The following SLC38A1 variants were observed in gnomAD, a reference collection of about 807,000 sequenced individuals.
The protein encoded by SLC38A1 is sodium-coupled neutral amino acid symporter 1.
SLC38A1 carries 18 observed loss-of-function variants against 60.3 expected under a neutral mutation model. That is an observed-to-expected ratio of 0.30 (90% CI 0.21 to 0.44). The LOEUF (loss-of-function observed/expected upper bound fraction) is 0.44. Ranked by LOEUF, SLC38A1 falls within the 20% of genes least tolerant of loss-of-function variation. The pLI is 1.00. For missense variants in SLC38A1, 448 were observed against 587.2 expected (o/e 0.76, Z 2.45); for synonymous variants, 196 against 212.1 (o/e 0.92, Z 0.66).
rs1223025120 is a variant in SLC38A1 at position 46,187,962 on chromosome 12, A to T, written c.*1008T>A. On this transcript the variant is annotated 3_prime_UTR_variant, in exon 17 of 17. Coordinates refer to ENST00000398637, the MANE Select transcript of SLC38A1 (RefSeq NM_030674.4). The stretch of plus-strand genomic sequence containing the variant: ...ATAAAACAGGAGTTACTTATCCTAG[A>T]TCATCCTTAGTTAGGTACACATGAT... 2 of 152,152 alleles carry T rather than the reference A, an allele frequency of 1.3e-5. No homozygotes were observed. The highest frequency in any genetic ancestry group is 2.9e-5 in the Non-Finnish European group (2 of 68,026). The allele number at this position is 152,152 out of a possible 1,614,324, so 9.4% of individuals were successfully genotyped here.
chr12:46,242,755 T>C (rs910454859), intron 2 of SLC38A1, among the ~76,000 whole-genome samples: 12 of 152,294 alleles, frequency 7.9e-5, no homozygotes, highest in African/African-American at 2.9e-4. Context: ...TGAAATGTGA[T>C]CATGCCACTG....
chr12:46,220,430 G>C (rs1385073493), intron 5 of SLC38A1, among the ~76,000 whole-genome samples: 1 of 152,192 alleles, frequency 6.6e-6, no homozygotes, highest in Non-Finnish European at 1.5e-5. Flanking sequence ...ATTGGCAAGA[G>C]GAAAGATGAA....
intron 3 of SLC38A1, among the ~76,000 whole-genome samples, chr12:46,236,310 C>T (rs369750863): frequency 3.7e-4 from 57 of 152,120 alleles, no homozygotes; most frequent in Non-Finnish European, 5.9e-4. Flanking sequence ...ACAAGCTTAG[C>T]GTTCCAATAA....
At chr12:46,197,649 TG>T in intron 16 of SLC38A1, 70 bp downstream of exon 16, 3 of 979,210 alleles carry the variant, frequency 3.1e-6, no homozygotes, top group Non-Finnish European at 4.8e-6. Context: ...GATAGAGAGG[TG>T]GACTATTTAT....
chr12:46,246,035 C>T (rs770175080), intron 1 of SLC38A1, among the ~76,000 whole-genome samples: 7 of 152,206 alleles, frequency 4.6e-5, no homozygotes, highest in South Asian at 2.1e-4. Flanking sequence ...TGTCACGGTC[C>T]GTTCAAAGAG....
chr12:46,190,086 G>A (rs895017608), intron 16 of SLC38A1, among the ~76,000 whole-genome samples: 7 of 151,862 alleles, frequency 4.6e-5, no homozygotes, highest in Non-Finnish European at 1.0e-4. Flanking sequence ...ATCCCTCCCC[G>A]GGCCCCCCAC....
At chr12:46,222,981 G>A (rs1485564605) in intron 5 of SLC38A1, among the ~76,000 whole-genome samples, 2 of 152,152 alleles carry the variant, frequency 1.3e-5, no homozygotes, top group Admixed American at 1.3e-4. Context: ...AGGAACACTG[G>A]CTGATTTTAT....
At chr12:46,198,200 A>G in intron 14 of SLC38A1, 140 bp from the exon 15 acceptor site, 1 of 911,690 alleles carries the variant, frequency 1.1e-6, no homozygotes, top group African/African-American at 1.7e-5. Context: ...AGATAGCTTA[A>G]CAGTTTTGGA....
At chr12:46,259,376 G>A (rs1208653457) in intron 1 of SLC38A1, among the ~76,000 whole-genome samples, 2 of 152,158 alleles carry the variant, frequency 1.3e-5, no homozygotes, top group African/African-American at 4.8e-5. Flanking sequence ...ACTAAATGGT[G>A]AGGTATCCAT....
Position 46,204,359 on chromosome 12 carries a change from C to T in SLC38A1, c.764G>A (p.Ser255Asn). The T allele has an allele frequency of 6.2e-7, 1 of 1,613,770 alleles. No individual in the cohort carries two copies. Among genetic ancestry groups the T allele is most frequent in the Non-Finnish European group, 8.5e-7 (1 of 1,179,816 alleles). ...CGTGTCAGCATTTGTTGAATTAGCA[C>T]TTATTGTTGAATTTAGCTCTGGAAC... ...CIVPELNSTI[S>N]ANSTNADTCT... Residue 255 changes from serine (S) to asparagine (N), a missense_variant, in exon 11 of 17, where the codon AGT becomes AAT. Around this residue, in one of 2 missense-constraint regions of SLC38A1, gnomAD observed 346 missense variants for 497.5 expected, o/e 0.70. Coordinates refer to ENST00000398637, the MANE Select transcript of SLC38A1 (RefSeq NM_030674.4).
Position 46,202,209 on chromosome 12 carries a change from T to G in SLC38A1, c.902+801A>C, listed in dbSNP as rs77325368. ...TCTGTCTCAAAAAAAAAAAAATAAATAAAGAAAAATTGAGAAGTATACGCT... is the reference window on the plus strand; with the variant it reads ...TCTGTCTCAAAAAAAAAAAAATAAAGAAAGAAAAATTGAGAAGTATACGCT... On this transcript the variant is annotated intron_variant, in intron 12 of 16. Coordinates refer to ENST00000398637, the MANE Select transcript of SLC38A1 (RefSeq NM_030674.4). Among the ~76,000 whole-genome samples the G allele has an allele frequency of 4.2e-3, 610 of 144,188 alleles. 5 individuals are homozygous for G. Among genetic ancestry groups the G allele is most frequent in the South Asian group, 8.1e-3 (37 of 4,570 alleles). 94.6% of individuals were successfully genotyped at this position (144,188 alleles called of 152,430 possible). A position where few individuals can be genotyped will look rare whatever the true frequency, so the allele number is the denominator to read the frequency against.
chr12:46,210,357 AAG>A (rs1165382804), intron 5 of SLC38A1, among the ~76,000 whole-genome samples: 3 of 152,188 alleles, frequency 2.0e-5, no homozygotes, highest in Admixed American at 6.5e-5. Flanking sequence ...CAGCAAACAA[AAG>A]AGGGGCAGAG....
chr12:46,261,565 G>A (rs966113369), intron 1 of SLC38A1, among the ~76,000 whole-genome samples: 3 of 152,094 alleles, frequency 2.0e-5, no homozygotes, highest in African/African-American at 7.2e-5. Context: ...ATCTTCCCAT[G>A]GAAAACAAAA....
intron 16 of SLC38A1, among the ~76,000 whole-genome samples, chr12:46,195,439 C>T (rs1217180556): frequency 6.6e-6 from 1 of 152,158 alleles, no homozygotes; most frequent in Non-Finnish European, 1.5e-5. Context: ...TCTTGGAGCT[C>T]GAATGCCATG....
At chr12:46,261,033 T>C (rs1268759368) in intron 1 of SLC38A1, among the ~76,000 whole-genome samples, 2 of 152,200 alleles carry the variant, frequency 1.3e-5, no homozygotes, top group Non-Finnish European at 2.9e-5. Context: ...TTCCTTCTAA[T>C]TTTCCATTCC....
In SLC38A1 at chr12:46,188,735, T is replaced by C. The variant is rs1346008992; in HGVS notation, c.*235A>G. On this transcript the variant is annotated 3_prime_UTR_variant, in exon 17 of 17. Transcript: ENST00000398637. ...TGTGAAAAGTACTGGGAAATATGATTGTATGAAATTTGAAAAAAAAATTTC... is the reference window on the plus strand; with the variant it reads ...TGTGAAAAGTACTGGGAAATATGATCGTATGAAATTTGAAAAAAAAATTTC... 8 of 409,296 alleles carry C rather than the reference T, an allele frequency of 2.0e-5. No individual in the cohort carries two copies. The highest frequency in any genetic ancestry group is 3.5e-5 in the Non-Finnish European group (8 of 225,936). 25.4% of individuals were successfully genotyped at this position (409,296 alleles called of 1,614,324 possible).
chr12:46,228,958 T>A (rs1206661738), intron 5 of SLC38A1, among the ~76,000 whole-genome samples, 195 bp downstream of exon 5: 2 of 152,256 alleles, frequency 1.3e-5, no homozygotes, highest in Non-Finnish European at 2.9e-5. Context: ...AAAGATTTTC[T>A]CCTTCCTCTT....
At chr12:46,222,512 T>C (rs1940698876) in intron 5 of SLC38A1, among the ~76,000 whole-genome samples, 1 of 152,222 alleles carries the variant, frequency 6.6e-6, no homozygotes, top group South Asian at 2.1e-4. Context: ...CGCAGTAACA[T>C]AGTGCTACAC....
intron 13 of SLC38A1, among the ~76,000 whole-genome samples, chr12:46,200,599 T>C (rs1019059055): frequency 6.6e-6 from 1 of 152,176 alleles, no homozygotes; most frequent in Non-Finnish European, 1.5e-5. Flanking sequence ...TTTTTCAGAT[T>C]TCATTTTTTA....
Sources: gnomAD v4.1 joint callset for allele counts (sites outside exome capture counted in the v4.1 genomes callset) on GRCh38, gnomAD v4.1.1 for gene constraint, gnomAD v4.1.1 regional missense constraint, MANE v1.5 for transcripts, NCBI Gene and HGNC (gene_info 2026-07-23, HGNC 2026-07-21) for gene names.